The following PSMA8 variants were observed in gnomAD, a reference collection of about 807,000 sequenced individuals.
PSMA8 encodes proteasome 20S subunit alpha 8.
A neutral mutation model predicts 32.4 loss-of-function variants in PSMA8; 18 were observed. The ratio of observed to expected loss-of-function variants is 0.56; its 90% CI spans 0.38 to 0.82. PSMA8 has a LOEUF of 0.82. Ranked by LOEUF, PSMA8 falls within the 40% of genes least tolerant of loss-of-function variation. The pLI is 0.00. For synonymous variants in PSMA8, 104 were observed against 98.1 expected, an observed-to-expected ratio of 1.06 and a Z score of -0.36; for missense variants, 298 against 300.7, an observed-to-expected ratio of 0.99 and a Z score of 0.07.
intron 4 of PSMA8, among the ~76,000 whole-genome samples, chr18:26,166,542 A>C (rs183088463): frequency 6.0e-4 from 91 of 152,346 alleles, no homozygotes; most frequent in Admixed American, 4.0e-3. Flanking sequence ...TCAGGTATAC[A>C]TCTTTTTAAC....
chr18:26,190,355 G>A (rs2055391955), intron 6 of PSMA8, among the ~76,000 whole-genome samples: 1 of 152,150 alleles, frequency 6.6e-6, no homozygotes, highest in African/African-American at 2.4e-5. Flanking sequence ...TCTCCATGAT[G>A]TGGTTATTAT....
intron 4 of PSMA8, among the ~76,000 whole-genome samples, chr18:26,177,229 T>C (rs1420695922): frequency 6.6e-6 from 1 of 152,154 alleles, no homozygotes; most frequent in African/African-American, 2.4e-5. Flanking sequence ...ACAATGTCTT[T>C]GACAAGAGAT....
At chr18:26,157,264 G>A (rs1568060259) in intron 3 of PSMA8, among the ~76,000 whole-genome samples, 1 of 151,804 alleles carries the variant, frequency 6.6e-6, no homozygotes, top group Non-Finnish European at 1.5e-5. Context: ...TAAAAATTTA[G>A]TCCTTAGACC....
chr18:26,154,837 G>C (rs1393383146), intron 3 of PSMA8, among the ~76,000 whole-genome samples: 1 of 151,982 alleles, frequency 6.6e-6, no homozygotes, highest in African/African-American at 2.4e-5. Context: ...GGATGGTCTC[G>C]ATTTCCTGAC....
At chr18:26,191,565 C>T (rs1321344593) in intron 6 of PSMA8, among the ~76,000 whole-genome samples, 2 of 11,216 alleles carry the variant, frequency 1.8e-4, no homozygotes, top group Admixed American at 1.5e-3. Context: ...GTGGGAGAAT[C>T]GCTTGAACCC....
rs1311436959 is a variant in PSMA8, at chr18:26,163,250, T to TA, written c.477+5007dup. The stretch of plus-strand genomic sequence containing the variant: ...ATATATATATATATATATATATATA[T>TA]ATATATATATATGCTGTGAGTAAAA... On this transcript the variant is annotated intron_variant, in intron 4 of 6. Coordinates refer to ENST00000415576, the MANE Select transcript of PSMA8 (RefSeq NM_001025096.2). Among the ~76,000 whole-genome samples the TA allele has an allele frequency of 9.4e-3, 886 of 94,528 alleles. 41 individuals carry two copies. Among genetic ancestry groups the TA allele is most frequent in the African/African-American group, 0.033 (818 of 24,972 alleles). The allele number at this position is 94,528 out of a possible 152,430, so 62.0% of individuals were successfully genotyped here.
At chr18:26,183,104 C>T (rs12963571) in intron 6 of PSMA8, among the ~76,000 whole-genome samples, 1 of 145,520 alleles carries the variant, frequency 6.9e-6, no homozygotes, top group African/African-American at 2.6e-5. Context: ...AAAAAACAAA[C>T]AAAAAGGCCG....
At chr18:26,135,972 A>G (rs2054908472) in intron 1 of PSMA8, among the ~76,000 whole-genome samples, 1 of 152,184 alleles carries the variant, frequency 6.6e-6, no homozygotes, top group African/African-American at 2.4e-5. Context: ...AAGTTTTTTA[A>G]TGGCACTTGA....
At chr18:26,155,673 T>C (rs756127315) in intron 3 of PSMA8, among the ~76,000 whole-genome samples, 5 of 152,184 alleles carry the variant, frequency 3.3e-5, no homozygotes. Flanking sequence ...AAGACTTTAA[T>C]GTATGATCCA....
At chr18:26,174,655 T>C (rs996855865) in intron 4 of PSMA8, among the ~76,000 whole-genome samples, 19 of 152,330 alleles carry the variant, frequency 1.2e-4, no homozygotes, top group African/African-American at 4.3e-4. Flanking sequence ...TGTTTTGCTC[T>C]TGTCAGTATG....
At chr18:26,188,189 G>C (rs959419574) in intron 6 of PSMA8, among the ~76,000 whole-genome samples, 3 of 151,986 alleles carry the variant, frequency 2.0e-5, no homozygotes, top group African/African-American at 7.2e-5. Context: ...TGAATGACCA[G>C]TGAGTCAATG....
At chr18:26,138,437 G>A (rs2054929400) in intron 1 of PSMA8, among the ~76,000 whole-genome samples, 1 of 152,156 alleles carries the variant, frequency 6.6e-6, no homozygotes, top group South Asian at 2.1e-4. Flanking sequence ...TTCCACATTA[G>A]GAAAGTGAAA....
At chr18:26,164,318 C>G (rs958044947) in intron 4 of PSMA8, among the ~76,000 whole-genome samples, 1 of 152,028 alleles carries the variant, frequency 6.6e-6, no homozygotes, top group Non-Finnish European at 1.5e-5. Context: ...GGGAGAGGGA[C>G]GATCAAGAAT....
At position 26,158,168 on chromosome 18, in the gene PSMA8, T is replaced by TA; in HGVS notation, c.403dup (p.Ile135AsnfsTer5). ...CGAAGACCTTTTGGTATTTCTGCCT[T>TA]AATTGTAGGTTTTGATGATGATGGT... On this transcript the variant is annotated frameshift_variant, in exon 4 of 7. Transcript: ENST00000415576. LOFTEE classifies it high-confidence loss of function. 1 of 1,606,080 alleles carries TA rather than the reference T, an allele frequency of 6.2e-7. No individual in the cohort carries two copies. Among genetic ancestry groups the TA allele is most frequent in the Non-Finnish European group, 8.5e-7 (1 of 1,173,264 alleles).
At chr18:26,190,615 G>T (rs1192094200) in intron 6 of PSMA8, among the ~76,000 whole-genome samples, 4 of 152,102 alleles carry the variant, frequency 2.6e-5, no homozygotes, top group Non-Finnish European at 5.9e-5. Flanking sequence ...TGGGCATGGT[G>T]GTTCACATCT....
At chr18:26,187,627 T>C (rs2055366903) in intron 6 of PSMA8, among the ~76,000 whole-genome samples, 1 of 150,192 alleles carries the variant, frequency 6.7e-6, no homozygotes. Context: ...AGAGCCAGAG[T>C]CACTATACTT....
In PSMA8 at chr18:26,134,116, C is replaced by T. The variant is rs762211031; in HGVS notation, c.102+49C>T. On this transcript the variant is annotated intron_variant, in intron 1 of 6. Coordinates refer to ENST00000415576, the MANE Select transcript of PSMA8 (RefSeq NM_001025096.2). ...CTATTCCCCGCTCTGACCTGTCAGG[C>T]CATCGTTACCCTGCTGCCCCAGCCC... 7 of 1,345,132 alleles carry T rather than the reference C, an allele frequency of 5.2e-6. No individual in the cohort carries two copies. In the South Asian group the frequency reaches 7.1e-5, roughly 14 times the overall value. The allele number at this position is 1,345,132 out of a possible 1,614,324, so 83.3% of individuals were successfully genotyped here.
intron 2 of PSMA8, among the ~76,000 whole-genome samples, chr18:26,148,327 T>C (rs1253810557): frequency 6.6e-6 from 1 of 152,000 alleles, no homozygotes; most frequent in East Asian, 1.9e-4. Flanking sequence ...ATGACCAATT[T>C]GGATCTATCC....
rs1300708148 is a variant in PSMA8, at chr18:26,134,727, G to A, written c.102+660G>A. On this transcript the variant is annotated intron_variant, in intron 1 of 6. Transcript: ENST00000415576. ...CCCAGCACTTTGGAAGGCCCAGGAG[G>A]GCGGATCACCTGAGGTCGGGAGTTT... is the stretch of plus-strand genomic sequence containing the variant. Among the ~76,000 whole-genome samples, 3 of 152,128 alleles carry A rather than the reference G, an allele frequency of 2.0e-5. No individual in the cohort carries two copies. The East Asian group carries it at 5.8e-4, about 29-fold the overall frequency.
Sources: gnomAD v4.1 joint callset for allele counts (sites outside exome capture counted in the v4.1 genomes callset) on GRCh38, gnomAD v4.1.1 for gene constraint, MANE v1.5 for transcripts, NCBI Gene and HGNC (gene_info 2026-07-23, HGNC 2026-07-21) for gene names.